The following LMBRD2 variants were observed in gnomAD, a reference collection of about 807,000 sequenced individuals.
The protein encoded by LMBRD2 is G protein-coupled receptor-associated protein LMBRD2.
In LMBRD2, 55 loss-of-function variants were observed where a neutral mutation model predicts 94.4. That is an observed-to-expected ratio of 0.58 (90% CI 0.47 to 0.73). LMBRD2 has a LOEUF of 0.73. LMBRD2 is among the 30% of genes least tolerant of loss of function. LMBRD2 has a pLI of 0.00. For missense variants in LMBRD2, 640 were observed against 831.9 expected, an observed-to-expected ratio of 0.77 and a Z score of 2.84; for synonymous variants, 246 against 272.4, an observed-to-expected ratio of 0.90 and a Z score of 0.95.
chr5:36,106,509 G>GTTTTTTTT (rs70973085), intron 16 of LMBRD2, among the ~76,000 whole-genome samples: 2 of 119,410 alleles, frequency 1.7e-5, no homozygotes, highest in Non-Finnish European at 1.7e-5. Flanking sequence ...TTTTTCTTTC[G>GTTTTTTTT]TTTTTTTTTT....
At position 36,116,669 on chromosome 5, in the gene LMBRD2, T is replaced by C. The variant is rs573650009; in HGVS notation, c.1303-76A>G. 7.3e-5 allele frequency: 103 copies of C among 1,413,044 alleles called. 1 individual carries two copies. The South Asian group carries it at 1.2e-3, about 16-fold the overall frequency. The allele number at this position is 1,413,044 out of a possible 1,614,324, so 87.5% of individuals were successfully genotyped here. On this transcript the variant is annotated intron_variant, in intron 10 of 17. Coordinates refer to ENST00000296603, the MANE Select transcript of LMBRD2 (RefSeq NM_001007527.2). Reference sequence around the variant, plus strand: ...CACTTAACAATTACAGGCATTATCCTTCATTTCTTTTTCTTTTGTTTTTTT... The same window carrying C: ...CACTTAACAATTACAGGCATTATCCCTCATTTCTTTTTCTTTTGTTTTTTT...
intron 1 of LMBRD2, among the ~76,000 whole-genome samples, chr5:36,144,552 C>T (rs868690922): frequency 1.3e-5 from 2 of 152,008 alleles, no homozygotes; most frequent in Middle Eastern, 3.2e-3. Flanking sequence ...GGTGTGGTAG[C>T]GGGTGCCTGT....
chr5:36,110,807 C>T (rs554016639), intron 14 of LMBRD2, among the ~76,000 whole-genome samples: 17 of 152,038 alleles, frequency 1.1e-4, no homozygotes, highest in African/African-American at 1.7e-4. Flanking sequence ...AGTATCAAAC[C>T]GATGATTCTT....
At chr5:36,112,960 T>C (rs556603611) in intron 13 of LMBRD2, among the ~76,000 whole-genome samples, 48 of 152,200 alleles carry the variant, frequency 3.2e-4, no homozygotes, top group Non-Finnish European at 6.3e-4. Flanking sequence ...GATCTGTTAC[T>C]GTCTCCACCT....
intron 6 of LMBRD2, among the ~76,000 whole-genome samples, chr5:36,130,421 C>T (rs1477334128): frequency 1.3e-5 from 2 of 151,828 alleles, no homozygotes; most frequent in East Asian, 3.9e-4. Flanking sequence ...AACCAAAAAG[C>T]ATACAACAGA....
Position 36,122,477 on chromosome 5 carries a change from T to C in LMBRD2, c.937-14A>G, listed in dbSNP as rs781057436. Reference sequence around the variant, plus strand: ...TGAATAAATCACCTAAAAAAGAGAATGGGGGTAGACCTGGCAGTGTTCTGA... The same window carrying C: ...TGAATAAATCACCTAAAAAAGAGAACGGGGGTAGACCTGGCAGTGTTCTGA... On this transcript the variant is annotated splice_polypyrimidine_tract_variant and intron_variant, in intron 8 of 17. Coordinates refer to ENST00000296603, the MANE Select transcript of LMBRD2 (RefSeq NM_001007527.2). The C allele has an allele frequency of 1.9e-6, 3 of 1,606,774 alleles. No individual in the cohort carries two copies. Among genetic ancestry groups the C allele is most frequent in the South Asian group, 2.2e-5 (2 of 90,046 alleles).
intron 16 of LMBRD2, among the ~76,000 whole-genome samples, chr5:36,105,489 T>A (rs1424778220): frequency 1.3e-5 from 2 of 152,156 alleles, no homozygotes; most frequent in Admixed American, 1.3e-4. Context: ...CATTTAACTA[T>A]GGTATCACAA....
intron 1 of LMBRD2, among the ~76,000 whole-genome samples, chr5:36,147,198 T>G (rs1013042013): frequency 6.6e-6 from 1 of 152,160 alleles, no homozygotes; most frequent in Admixed American, 6.5e-5. Context: ...ATTGCCTTAT[T>G]ATGACACAGA....
chr5:36,136,797 A>C (rs1443863139), intron 5 of LMBRD2, among the ~76,000 whole-genome samples: 2 of 152,190 alleles, frequency 1.3e-5, no homozygotes, highest in Non-Finnish European at 2.9e-5. Flanking sequence ...GAGACCTAGC[A>C]CTGCTGATCT....
chr5:36,119,250 TG>T (rs1743831659), intron 9 of LMBRD2, among the ~76,000 whole-genome samples: 1 of 152,144 alleles, frequency 6.6e-6, no homozygotes, highest in Non-Finnish European at 1.5e-5. Context: ...CTCAATTACT[TG>T]TTGCTATAGT....
intron 6 of LMBRD2, among the ~76,000 whole-genome samples, chr5:36,129,248 G>T (rs572733095): frequency 6.6e-6 from 1 of 152,096 alleles, no homozygotes; most frequent in African/African-American, 2.4e-5. Flanking sequence ...CAATATTCAA[G>T]CATGAGAAGA....
chr5:36,109,925 G>GA lies in LMBRD2; in HGVS notation c.1791+19dup. On this transcript the variant is annotated intron_variant, in intron 15 of 17. Coordinates refer to ENST00000296603, the MANE Select transcript of LMBRD2 (RefSeq NM_001007527.2). Reference sequence around the variant, plus strand: ...ATTTCAAATTAATCTTCAGATTACAGAAATTAATACTGTACTTACTCTTCT... The same window carrying GA: ...ATTTCAAATTAATCTTCAGATTACAGAAAATTAATACTGTACTTACTCTTCT... 1.3e-6 allele frequency: 2 copies of GA among 1,548,020 alleles called. No individual in the cohort carries two copies. Among genetic ancestry groups the GA allele is most frequent in the Non-Finnish European group, 1.8e-6 (2 of 1,129,244 alleles).
intron 6 of LMBRD2, among the ~76,000 whole-genome samples, chr5:36,126,659 T>C (rs1399948515): frequency 2.6e-5 from 4 of 152,214 alleles, no homozygotes; most frequent in Non-Finnish European, 5.9e-5. Context: ...TGATTTGACA[T>C]AGTTTATAAG....
rs1293640614 is a variant in LMBRD2, at chr5:36,136,471, C to T, written c.585G>A (p.Leu195=). ...ACCCCAACAACAACACAAGAAGAAA[C>T]AGACCCCATGTATTTGCAGCAGCTA... is the stretch of plus-strand genomic sequence containing the variant. ...IGIAAANTWG[L]FLLVLLLGYG... The change falls in exon 6 of 18, where the codon CTG becomes CTA. Residue 195 remains leucine, a synonymous_variant. Coordinates refer to ENST00000296603, the MANE Select transcript of LMBRD2 (RefSeq NM_001007527.2). 6.2e-7 allele frequency: 1 copy of T among 1,614,028 alleles called. No homozygotes were observed. The highest frequency in any genetic ancestry group is 1.3e-5 in the African/African-American group (1 of 75,024).
At position 36,104,066 on chromosome 5, in the gene LMBRD2, C is replaced by A; in HGVS notation, c.2068G>T (p.Asp690Tyr). ...AGACTTTAAACATCATTAAATATGT[C>A]ACTGCGAGACATCGAGAGATATCGT... ...GGRYLSMSRSDIFNDV is the reference protein window; with the variant it reads ...GGRYLSMSRSYIFNDV Residue 690 changes from aspartate (D) to tyrosine (Y), a missense_variant, in exon 18 of 18, where the codon GAC becomes TAC. Asp to Tyr is a radical substitution (Grantham distance 160). This residue lies in a region of LMBRD2 where 183 missense variants were observed against 189.1 expected (regional missense o/e 0.97). Transcript: ENST00000296603. 1 of 1,610,398 alleles carries A rather than the reference C, an allele frequency of 6.2e-7. No individual in the cohort carries two copies. The highest frequency in any genetic ancestry group is 1.1e-5 in the South Asian group (1 of 90,874).
intron 4 of LMBRD2, among the ~76,000 whole-genome samples, chr5:36,138,327 T>A (rs1744319968): frequency 6.6e-6 from 1 of 152,134 alleles, no homozygotes; most frequent in Non-Finnish European, 1.5e-5. Flanking sequence ...TTTGGCTGGG[T>A]AGGATAAACT....
rs1744699260 is a variant in LMBRD2 at position 36,151,219 on chromosome 5, G to A, written c.-58+337C>T. 6.6e-6 allele frequency among the ~76,000 whole-genome samples: 1 copy of A among 152,330 alleles called. No homozygotes were observed. Among genetic ancestry groups the A allele is most frequent in the African/African-American group, 2.4e-5 (1 of 41,578 alleles). On this transcript the variant is annotated intron_variant, in intron 1 of 17. Coordinates refer to ENST00000296603, the MANE Select transcript of LMBRD2 (RefSeq NM_001007527.2). This position sits in a 1 kb window ranked among gnomAD's most constrained non-coding sequence, Gnocchi z 4.7. ...CTGAGCGACAGCAAGCAACCAAATG[G>A]CTTTGCTGGAGGCCCCCTGCGTGCA...
At chr5:36,119,583 C>G (rs543636603) in intron 9 of LMBRD2, among the ~76,000 whole-genome samples, 3 of 152,300 alleles carry the variant, frequency 2.0e-5, no homozygotes, top group East Asian at 3.9e-4. Context: ...TGCATCCACA[C>G]AGCTGCACAT....
At chr5:36,106,494 A>G (rs1201520319) in intron 16 of LMBRD2, among the ~76,000 whole-genome samples, 1 of 140,086 alleles carries the variant, frequency 7.1e-6, no homozygotes, top group Non-Finnish European at 1.5e-5. Context: ...CAAAATCCCA[A>G]CTTTTTTTTC....
Sources: gnomAD v4.1 joint callset for allele counts (sites outside exome capture counted in the v4.1 genomes callset) on GRCh38, gnomAD v4.1.1 for gene constraint, gnomAD v4.1.1 regional missense constraint, Gnocchi (gnomAD v3.1) non-coding constraint, MANE v1.5 for transcripts, NCBI Gene and HGNC (gene_info 2026-07-23, HGNC 2026-07-21) for gene names.